Variants in BIRC6 observed in about 807,000 individuals in gnomAD.
BIRC6 encodes baculoviral IAP repeat containing 6.
A neutral mutation model predicts 503.3 loss-of-function variants in BIRC6; 98 were observed. That is an observed-to-expected ratio of 0.19 (90% CI 0.17 to 0.23). The LOEUF (loss-of-function observed/expected upper bound fraction) is 0.23, where lower values mean the gene tolerates loss of function less well. BIRC6 is among the 10% of genes least tolerant of loss of function. BIRC6 has a pLI of 1.00. For synonymous variants in BIRC6, 2,240 were observed against 2,078.7 expected (o/e 1.08, Z -2.11); for missense variants, 5,360 against 5,806.0 (o/e 0.92, Z 2.50).
chr2:32,388,708 T>TTGAG, intron 3 of BIRC6, 42 bp from the exon 4 acceptor site: 1 of 1,398,764 alleles, frequency 7.1e-7, no homozygotes, highest in Non-Finnish European at 9.6e-7. Flanking sequence ...GTTAAAACTG[T>TTGAG]TGAGTACATT....
At chr2:32,412,497 C>CAAA (rs148934754) in intron 9 of BIRC6, among the ~76,000 whole-genome samples, 1 of 145,032 alleles carries the variant, frequency 6.9e-6, no homozygotes, top group African/African-American at 2.5e-5. Context: ...GACTTTGTCT[C>CAAA]AAAAAAAACA....
At chr2:32,475,827 T>G (rs950646126) in intron 33 of BIRC6, among the ~76,000 whole-genome samples, 4 of 152,122 alleles carry the variant, frequency 2.6e-5, no homozygotes, top group African/African-American at 4.8e-5. Flanking sequence ...TACCAAAATG[T>G]GTACTACTCT....
intron 21 of BIRC6, among the ~76,000 whole-genome samples, 190 bp from the exon 22 acceptor site, chr2:32,448,605 A>G (rs2046344692): frequency 6.6e-6 from 1 of 151,594 alleles, no homozygotes; most frequent in South Asian, 2.1e-4. Context: ...GCAGCAGTAC[A>G]GTCCAGCTTC....
chr2:32,543,119 C>T lies in BIRC6; in HGVS notation c.12292-122C>T, dbSNP rs1050887473. 7.8e-6 allele frequency: 9 copies of T among 1,156,434 alleles called. No homozygotes were observed. The East Asian group carries it at 2.3e-4, about 30-fold the overall frequency. 71.6% of individuals were successfully genotyped at this position (1,156,434 alleles called of 1,614,324 possible). The stretch of plus-strand genomic sequence containing the variant: ...CCGGCTGGAAGCTTGTTTTTTAAAG[C>T]AAGCAGCTTTATTAATCCTTATAAT... On this transcript the variant is annotated intron_variant, in intron 61 of 73. Coordinates refer to ENST00000421745, the MANE Select transcript of BIRC6 (RefSeq NM_016252.4).
In BIRC6 at chr2:32,518,890, G is replaced by A; in HGVS notation, c.11567G>A (p.Arg3856His). The A allele has an allele frequency of 1.9e-6, 3 of 1,613,742 alleles. No homozygotes were observed. The highest frequency in any genetic ancestry group is 2.5e-6 in the Non-Finnish European group (3 of 1,179,786). ...HPMYGAGHKFRTLHLPVSTTL... is the reference protein window; with the variant it reads ...HPMYGAGHKFHTLHLPVSTTL... The stretch of plus-strand genomic sequence containing the variant: ...ATGTATGGAGCAGGCCACAAATTCC[G>A]TACTCTTCATTTGCCAGTCTCAACA... The change falls in exon 57 of 74, where the codon CGT (arginine) becomes CAT (histidine). Residue 3856 changes from arginine (R) to histidine (H), a missense_variant. Physicochemically the swap from Arg to His is conservative, Grantham distance 29. Around this residue, in one of 16 missense-constraint regions of BIRC6, gnomAD observed 878 missense variants for 928.9 expected, o/e 0.95. Coordinates refer to ENST00000421745, the MANE Select transcript of BIRC6 (RefSeq NM_016252.4).
At chr2:32,410,857 C>T (rs1277139757) in intron 9 of BIRC6, among the ~76,000 whole-genome samples, 2 of 151,920 alleles carry the variant, frequency 1.3e-5, no homozygotes, top group African/African-American at 4.8e-5. Flanking sequence ...CCCGCCAGCA[C>T]GCCCGGCTAA....
intron 65 of BIRC6, among the ~76,000 whole-genome samples, chr2:32,571,673 T>A (rs1171111034): frequency 6.6e-6 from 1 of 151,438 alleles, no homozygotes; most frequent in African/African-American, 2.5e-5. Context: ...TTTATCAGTT[T>A]TGTTTATCTT....
At chr2:32,512,906 T>G (rs1307475503) in intron 53 of BIRC6, 27 bp from the exon 54 acceptor site, 2 of 1,590,030 alleles carry the variant, frequency 1.3e-6, no homozygotes, top group Non-Finnish European at 1.7e-6. Flanking sequence ...TATAGTTGGT[T>G]ATATGAATTC....
At position 32,482,407 on chromosome 2, in the gene BIRC6, G is replaced by A. The variant is rs566743790; in HGVS notation, c.7543-22G>A. The A allele has an allele frequency of 5.4e-5, 86 of 1,603,012 alleles. 2 individuals carry two copies. In the South Asian group the frequency reaches 9.0e-4, roughly 17 times the overall value. ...AGCCAAGAGGCAAAAATAAACCACA[G>A]TTTTTTTTCCATTCTTTTAAGCCAA... On this transcript the variant is annotated intron_variant, in intron 38 of 73. Transcript: ENST00000421745.
In BIRC6 at chr2:32,545,702, C is replaced by T. The variant is rs778162859; in HGVS notation, c.12652C>T (p.Arg4218Cys). 222 of 1,613,758 alleles carry T rather than the reference C, an allele frequency of 1.4e-4. No individual in the cohort carries two copies. Among genetic ancestry groups the T allele is most frequent in the Middle Eastern group, 3.3e-4 (2 of 6,084 alleles). ...TCCAACCCTTCCTTTCCACGTCCTT[C>T]GTAGCTTGTTTAGCACTACACCTTT... ...VLPTLPFHVL[R>C]SLFSTTPLTT... The change falls in exon 63 of 74, where the codon CGT becomes TGT. Residue 4218 changes from arginine to cysteine, a missense_variant. By Grantham distance (180) the Arg-to-Cys change is radical. This residue lies in a region of BIRC6 where 477 missense variants were observed against 574.4 expected (regional missense o/e 0.83). Transcript: ENST00000421745.
intron 65 of BIRC6, among the ~76,000 whole-genome samples, chr2:32,555,853 C>G (rs1393779124): frequency 1.4e-5 from 2 of 143,916 alleles, no homozygotes; most frequent in Non-Finnish European, 3.0e-5. Context: ...GAGGGCGAGG[C>G]TGCAGTGAGC....
At position 32,501,997 on chromosome 2, in the gene BIRC6, T is replaced by C. The variant is rs368234908; in HGVS notation, c.9207+109T>C. On this transcript the variant is annotated intron_variant, in intron 47 of 73. Coordinates refer to ENST00000421745, the MANE Select transcript of BIRC6 (RefSeq NM_016252.4). ...AGTATATTTATTATATATCGGACAA[T>C]GAAAAGCATCAGTACAAGAGGGCTG... is the stretch of plus-strand genomic sequence containing the variant. 19 of 1,119,848 alleles carry C rather than the reference T, an allele frequency of 1.7e-5. No homozygotes were observed. The African/African-American group carries it at 2.1e-4, about 12-fold the overall frequency. The allele number at this position is 1,119,848 out of a possible 1,614,324, so 69.4% of individuals were successfully genotyped here. A position where few individuals can be genotyped will look rare whatever the true frequency, so the allele number is the denominator to read the frequency against.
At chr2:32,510,751 G>A (rs1018825326) in intron 53 of BIRC6, 117 bp downstream of exon 53, 2 of 694,910 alleles carry the variant, frequency 2.9e-6, no homozygotes, top group South Asian at 3.8e-5. Flanking sequence ...GTGATATATT[G>A]TATGTTTACC....
intron 66 of BIRC6, among the ~76,000 whole-genome samples, chr2:32,578,919 T>G (rs1190674741): frequency 1.4e-5 from 2 of 145,762 alleles, no homozygotes; most frequent in Non-Finnish European, 3.0e-5. Flanking sequence ...TACATGTATT[T>G]GGTATGGTTC....
chr2:32,516,445 G>A (rs1346171804), intron 55 of BIRC6, among the ~76,000 whole-genome samples: 2 of 151,714 alleles, frequency 1.3e-5, no homozygotes, highest in African/African-American at 4.8e-5. Context: ...GAATCAGAGA[G>A]GTGGAGGTTG....
At chr2:32,482,849 G>C (rs114032204) in intron 39 of BIRC6, among the ~76,000 whole-genome samples, 1 of 151,894 alleles carries the variant, frequency 6.6e-6, no homozygotes, top group African/African-American at 2.4e-5. Flanking sequence ...TTTAATTGTT[G>C]ACTTTAATAG....
At chr2:32,586,418 C>T (rs989017919) in intron 66 of BIRC6, among the ~76,000 whole-genome samples, 1 of 143,280 alleles carries the variant, frequency 7.0e-6, no homozygotes, top group Non-Finnish European at 1.5e-5. Flanking sequence ...AAATCTCAAG[C>T]AGTCCTTTTT....
At chr2:32,509,712 TCATA>T in intron 51 of BIRC6, 22 bp from the exon 52 acceptor site, 1 of 1,612,396 alleles carries the variant, frequency 6.2e-7, no homozygotes, top group Non-Finnish European at 8.5e-7. Flanking sequence ...CTTATATTGA[TCATA>T]CAAGTCATTT....
In BIRC6 at chr2:32,415,504, C is replaced by A; in HGVS notation, c.2213C>A (p.Pro738His). The change falls in exon 10 of 74, where the codon CCT (proline) becomes CAT (histidine). Residue 738 changes from proline to histidine, a missense_variant. Transcript: ENST00000421745. ...AATCTTTGTATAGACTCAATAACTC[C>A]TTGTGCTGACGGAATTCATTTGTTG... ...EENLCIDSIT[P>H]CADGIHLLVG... 2 of 1,614,044 alleles carry A rather than the reference C, an allele frequency of 1.2e-6. No homozygotes were observed. Among genetic ancestry groups the A allele is most frequent in the South Asian group, 2.2e-5 (2 of 91,084 alleles).
Sources: gnomAD v4.1 joint callset for allele counts (sites outside exome capture counted in the v4.1 genomes callset) on GRCh38, gnomAD v4.1.1 for gene constraint, gnomAD v4.1.1 regional missense constraint, MANE v1.5 for transcripts, NCBI Gene and HGNC (gene_info 2026-07-23, HGNC 2026-07-21) for gene names.